The following KIAA1549L variants were observed in gnomAD, a reference collection of about 807,000 sequenced individuals.
The protein encoded by KIAA1549L is UPF0606 protein KIAA1549L.
Under a neutral mutation model 160.7 loss-of-function variants are expected in KIAA1549L, and 88 were observed. The ratio of observed to expected loss-of-function variants is 0.55; its 90% CI spans 0.46 to 0.65. The LOEUF (loss-of-function observed/expected upper bound fraction) is 0.65, where lower values mean the gene tolerates loss of function less well. Among genes scored for constraint, KIAA1549L ranks in the 30% least tolerant of loss-of-function variants. The probability of loss-of-function intolerance (pLI) is 0.00; values close to 1 mark genes in which losing one functional copy is unlikely to be tolerated. For missense variants in KIAA1549L, 2,258 were observed against 2,437.5 expected (o/e 0.93, Z 1.55); for synonymous variants, 950 against 976.7 (o/e 0.97, Z 0.51).
In KIAA1549L at chr11:33,670,869, G is replaced by C. The variant is rs1239221817; in HGVS notation, c.*2715G>C. The C allele has an allele frequency of 1.3e-5, 2 of 152,276 alleles. No individual in the cohort carries two copies. Among genetic ancestry groups the C allele is most frequent in the African/African-American group, 4.8e-5 (2 of 41,454 alleles). 9.4% of individuals were successfully genotyped at this position (152,276 alleles called of 1,614,324 possible). A position where few individuals can be genotyped will look rare whatever the true frequency, so the allele number is the denominator to read the frequency against. Reference sequence around the variant, plus strand: ...GAGGAAGCAGAAGTACCACGAAGTGGAGTGACTGGCCCAGTGATTCAGTCC... The same window carrying C: ...GAGGAAGCAGAAGTACCACGAAGTGCAGTGACTGGCCCAGTGATTCAGTCC... On this transcript the variant is annotated 3_prime_UTR_variant, in exon 21 of 21. Coordinates refer to ENST00000658780, the MANE Select transcript of KIAA1549L (RefSeq NM_012194.3).
chr11:33,487,208 A>C (rs571946009), intron 1 of KIAA1549L, among the ~76,000 whole-genome samples: 1 of 152,260 alleles, frequency 6.6e-6, no homozygotes, highest in East Asian at 1.9e-4. Flanking sequence ...ATTTGAGAAG[A>C]TTATTAACCA....
At chr11:33,413,087 G>A (rs1463782408) in intron 1 of KIAA1549L, among the ~76,000 whole-genome samples, 1 of 152,104 alleles carries the variant, frequency 6.6e-6, no homozygotes, top group East Asian at 1.9e-4. Flanking sequence ...ATGAGATCCT[G>A]TACTTAAAAG....
At chr11:33,666,532 G>A (rs960008401) in intron 20 of KIAA1549L, among the ~76,000 whole-genome samples, 2 of 152,168 alleles carry the variant, frequency 1.3e-5, no homozygotes, top group East Asian at 1.9e-4. Flanking sequence ...GTCTGTGGGT[G>A]CTTATTCTAT....
intron 1 of KIAA1549L, among the ~76,000 whole-genome samples, chr11:33,384,944 G>GTT (rs1169302830): frequency 1.5e-4 from 19 of 123,736 alleles, no homozygotes; most frequent in African/African-American, 5.1e-4. Flanking sequence ...TTTGTTTTTT[G>GTT]TTTTTTTTTT....
chr11:33,591,166 C>A, intron 11 of KIAA1549L, 71 bp from the exon 12 acceptor site: 1 of 1,135,420 alleles, frequency 8.8e-7, no homozygotes, highest in Non-Finnish European at 1.3e-6. Context: ...TGCTGCCTGT[C>A]ATCTCTTAAA....
At chr11:33,390,226 C>T (rs1850247570) in intron 1 of KIAA1549L, among the ~76,000 whole-genome samples, 1 of 152,154 alleles carries the variant, frequency 6.6e-6, no homozygotes, top group African/African-American at 2.4e-5. Flanking sequence ...CAGTTCGATT[C>T]CAGAGCCCAC....
chr11:33,602,244 A>G (rs1400944098), intron 13 of KIAA1549L, among the ~76,000 whole-genome samples: 21 of 152,150 alleles, frequency 1.4e-4, no homozygotes, highest in Admixed American at 1.4e-3. Flanking sequence ...AAAGAATTAG[A>G]AAGTTTAGAG....
chr11:33,381,103 A>C (rs1310460595), intron 1 of KIAA1549L, among the ~76,000 whole-genome samples: 2 of 152,034 alleles, frequency 1.3e-5, no homozygotes, highest in African/African-American at 2.4e-5. Context: ...AGTCACGTGA[A>C]GATCTCGTTG....
chr11:33,564,956 C>G (rs568996975), intron 8 of KIAA1549L, among the ~76,000 whole-genome samples: 4 of 152,186 alleles, frequency 2.6e-5, no homozygotes, highest in Non-Finnish European at 5.9e-5. Context: ...AATAAGAGAA[C>G]AGCGATGTGA....
chr11:33,428,496 T>C, intron 1 of KIAA1549L, among the ~76,000 whole-genome samples: 1 of 146,626 alleles, frequency 6.8e-6, no homozygotes, highest in African/African-American at 2.6e-5. Flanking sequence ...TTCCTCGCCC[T>C]GTATCCAAGT....
rs113993903 is a variant in KIAA1549L, at chr11:33,502,380, C to T, written c.239-39422C>T. Among the ~76,000 whole-genome samples, 195 of 152,272 alleles carry T rather than the reference C, an allele frequency of 1.3e-3. 4 individuals carry two copies. The highest frequency in any genetic ancestry group is 4.5e-3 in the African/African-American group (188 of 41,546). On this transcript the variant is annotated intron_variant, in intron 1 of 20. Transcript: ENST00000658780. The stretch of plus-strand genomic sequence containing the variant: ...ATTGCACCGAAAGCTTTTAACACCT[C>T]TCTAGCTTATCTATTTTTCCTCTGT...
intron 1 of KIAA1549L, among the ~76,000 whole-genome samples, chr11:33,414,840 T>TGA (rs141132952): frequency 6.9e-4 from 105 of 151,894 alleles, no homozygotes; most frequent in Middle Eastern, 3.4e-3. Context: ...TGAGTGTGTG[T>TGA]GAGAGAGAGA....
At chr11:33,552,005 C>A in intron 5 of KIAA1549L, 103 bp from the exon 6 acceptor site, 1 of 1,292,988 alleles carries the variant, frequency 7.7e-7, no homozygotes, top group Non-Finnish European at 1.1e-6. Context: ...TTGCCTAATT[C>A]CTCTCATCTA....
rs1172059448 is a variant in KIAA1549L at position 33,645,958 on chromosome 11, C to T, written c.5682C>T (p.Thr1894=). The T allele has an allele frequency of 4.3e-6, 7 of 1,612,438 alleles. No homozygotes were observed. The highest frequency in any genetic ancestry group is 2.2e-5 in the East Asian group (1 of 44,832). The change falls in exon 17 of 21, where the codon ACC becomes ACT. Residue 1894 remains threonine, a synonymous_variant. Transcript: ENST00000658780. ...AGGTGGTGACCAGCGCTCCGGGGAC[C>T]ATGACGCGGCCCAGGGCCGGGGTGC... ...YSEVVTSAPG[T]MTRPRAGVQW...
chr11:33,396,612 C>G (rs878883271), intron 1 of KIAA1549L, among the ~76,000 whole-genome samples: 1 of 151,416 alleles, frequency 6.6e-6, no homozygotes, highest in Admixed American at 6.6e-5. Flanking sequence ...TGAACTTACT[C>G]TTCTCCCTTT....
intron 8 of KIAA1549L, among the ~76,000 whole-genome samples, chr11:33,565,026 C>T (rs1273416818): frequency 6.6e-6 from 1 of 152,192 alleles, no homozygotes; most frequent in African/African-American, 2.4e-5. Flanking sequence ...TGCCCAGCTC[C>T]TCTAAGCTGA....
intron 1 of KIAA1549L, among the ~76,000 whole-genome samples, chr11:33,536,876 G>A (rs1388186727): frequency 6.6e-6 from 1 of 152,154 alleles, no homozygotes; most frequent in African/African-American, 2.4e-5. Flanking sequence ...TCTGCCATCA[G>A]CCATTGTCTC....
chr11:33,593,189 A>G (rs1394840824), intron 12 of KIAA1549L, among the ~76,000 whole-genome samples: 2 of 152,168 alleles, frequency 1.3e-5, no homozygotes, highest in Non-Finnish European at 2.9e-5. Context: ...CAGCAGTTTG[A>G]GAGGCCGAGG....
chr11:33,652,569 G>T (rs930038059), intron 17 of KIAA1549L, among the ~76,000 whole-genome samples: 1 of 152,196 alleles, frequency 6.6e-6, no homozygotes, highest in Non-Finnish European at 1.5e-5. Flanking sequence ...CCTTTTCTTG[G>T]CTGGGAAACT....
Sources: allele counts gnomAD v4.1 joint callset (sites outside exome capture counted in the v4.1 genomes callset), GRCh38; gene constraint gnomAD v4.1.1; transcripts MANE v1.5; gene names NCBI Gene and HGNC (gene_info 2026-07-23, HGNC 2026-07-21).